The following NUP62 variants were observed in gnomAD, a reference collection of about 807,000 sequenced individuals.
NUP62 encodes the protein nucleoporin 62.
For synonymous variants in NUP62, 305 were observed against 303.4 expected (o/e 1.01, Z -0.05); for missense variants, 647 against 689.4 (o/e 0.94, Z 0.69).
chr19:49,917,399 C>T (rs986058192), intron 2 of NUP62, among the ~76,000 whole-genome samples: 7 of 152,210 alleles, frequency 4.6e-5, no homozygotes, highest in Non-Finnish European at 7.3e-5. Context: ...CTTTCCTTTG[C>T]GTCAAAGAAA....
At chr19:49,922,189 T>G (rs1377159463) in intron 2 of NUP62, among the ~76,000 whole-genome samples, 1 of 152,234 alleles carries the variant, frequency 6.6e-6, no homozygotes, top group African/African-American at 2.4e-5. Context: ...AGTCATGGGC[T>G]TGCCCCTGAC....
In NUP62 at chr19:49,909,505, G is replaced by A. The variant is rs776009657; in HGVS notation, c.303C>T (p.Asn101=). 2.5e-6 allele frequency: 4 copies of A among 1,614,158 alleles called. No individual in the cohort carries two copies. The highest frequency in any genetic ancestry group is 3.4e-6 in the Non-Finnish European group (4 of 1,180,038). Residue 101 remains asparagine (N), a synonymous_variant, in exon 3 of 3, where the codon AAC becomes AAT. Transcript: ENST00000352066. ...GIGASKLNLS[N]TAATPAMANP... ...TTGCCATGGCTGGGGTGGCAGCTGT[G>A]TTGCTCAAGTTGAGCTTTGAAGCAC...
At chr19:49,919,756 C>G (rs2075718977) in intron 2 of NUP62, among the ~76,000 whole-genome samples, 1 of 151,748 alleles carries the variant, frequency 6.6e-6, no homozygotes, top group Admixed American at 6.6e-5. Flanking sequence ...TAGGAAACAG[C>G]CAGAGAGAGA....
intron 2 of NUP62, among the ~76,000 whole-genome samples, chr19:49,918,906 G>A (rs1406725129): frequency 6.9e-6 from 1 of 145,066 alleles, no homozygotes; most frequent in Non-Finnish European, 1.5e-5. Flanking sequence ...GGGGGGGGGG[G>A]GGCGGGGTGT....
intron 2 of NUP62, among the ~76,000 whole-genome samples, chr19:49,925,074 C>G (rs1236723736): frequency 6.6e-6 from 1 of 151,986 alleles, no homozygotes; most frequent in Non-Finnish European, 1.5e-5. Context: ...CCAGCCTGAC[C>G]AACATGGAGA....
intron 2 of NUP62, among the ~76,000 whole-genome samples, chr19:49,919,923 TA>T (rs1193814051): frequency 5.9e-5 from 9 of 151,826 alleles, no homozygotes; most frequent in Admixed American, 2.6e-4. Flanking sequence ...CCTACTGCAT[TA>T]AAAAAAAATT....
In NUP62 at chr19:49,907,319, T is replaced by G; in HGVS notation, c.*920A>C. The G allele has an allele frequency of 3.2e-6, 1 of 309,032 alleles. No individual in the cohort carries two copies. The highest frequency in any genetic ancestry group is 6.3e-6 in the Non-Finnish European group (1 of 159,900). 19.1% of individuals were successfully genotyped at this position (309,032 alleles called of 1,614,324 possible). ...GAGGAGGTGAGGCCCAAGGTGGGGG[T>G]GAGCCTGGGCCAGGCAAAAGGCAGG... is the stretch of plus-strand genomic sequence containing the variant. On this transcript the variant is annotated 3_prime_UTR_variant, in exon 3 of 3. Transcript: ENST00000352066.
At chr19:49,909,930 C>A (rs1284853100) in intron 2 of NUP62, 46 bp from the exon 3 acceptor site, 1 of 1,031,232 alleles carries the variant, frequency 9.7e-7, no homozygotes, top group Admixed American at 2.0e-5. Flanking sequence ...TTTGGAAAGG[C>A]AAGCTCAGTG....
chr19:49,927,251 G>C (rs1166058356), intron 2 of NUP62, among the ~76,000 whole-genome samples: 1 of 152,154 alleles, frequency 6.6e-6, no homozygotes, highest in African/African-American at 2.4e-5. Flanking sequence ...GCTAGTAAGA[G>C]GGGTGCAGTC....
At chr19:49,914,781 C>A (rs111928045) in intron 2 of NUP62, among the ~76,000 whole-genome samples, 1 of 136,876 alleles carries the variant, frequency 7.3e-6, no homozygotes, top group Non-Finnish European at 1.5e-5. Context: ...GCTCTGCCAC[C>A]CAGGCTGGAG....
intron 2 of NUP62, among the ~76,000 whole-genome samples, chr19:49,917,240 C>T (rs542196513): frequency 7.9e-4 from 121 of 152,296 alleles, no homozygotes; most frequent in East Asian, 9.7e-4. Context: ...GCTCAGACGC[C>T]GTCCTCCAAC....
intron 2 of NUP62, among the ~76,000 whole-genome samples, chr19:49,925,838 T>C (rs2075873365): frequency 6.6e-6 from 1 of 152,204 alleles, no homozygotes; most frequent in African/African-American, 2.4e-5. Context: ...GTGAGGGGCA[T>C]ACAGAAATTC....
chr19:49,922,546 G>C (rs888507021), intron 2 of NUP62, among the ~76,000 whole-genome samples: 2 of 152,040 alleles, frequency 1.3e-5, no homozygotes, highest in Middle Eastern at 3.4e-3. Context: ...CTTGGAATGA[G>C]GGCTGGGTTC....
intron 2 of NUP62, among the ~76,000 whole-genome samples, chr19:49,914,732 T>TTTTTG (rs2075578483): frequency 1.0e-5 from 1 of 97,722 alleles, no homozygotes; most frequent in Non-Finnish European, 2.0e-5. Context: ...CCCAGTTTTT[T>TTTTTG]TTTTTTTTTT....
intron 2 of NUP62, among the ~76,000 whole-genome samples, chr19:49,919,948 G>C (rs765459291): frequency 1.6e-4 from 25 of 151,560 alleles, no homozygotes; most frequent in Non-Finnish European, 3.5e-4. Flanking sequence ...TTTTTTCTAA[G>C]ACAAGGTCTC....
intron 2 of NUP62, among the ~76,000 whole-genome samples, chr19:49,924,978 C>T (rs565498678): frequency 2.2e-4 from 34 of 152,240 alleles, no homozygotes; most frequent in African/African-American, 7.0e-4. Flanking sequence ...TTACCCACAC[C>T]GGGCCAGGCG....
At chr19:49,914,124 G>A (rs1438949109) in intron 2 of NUP62, among the ~76,000 whole-genome samples, 2 of 152,148 alleles carry the variant, frequency 1.3e-5, no homozygotes, top group African/African-American at 4.8e-5. Context: ...CAAGGCAGGA[G>A]GATTGCTTAA....
intron 2 of NUP62, among the ~76,000 whole-genome samples, chr19:49,919,436 T>C (rs759059854): frequency 1.3e-5 from 2 of 152,214 alleles, no homozygotes; most frequent in Non-Finnish European, 2.9e-5. Context: ...TAAGCAGGCT[T>C]ATTCTCCTCA....
chr19:49,929,193 C>A (rs1464169246), intron 1 of NUP62, 133 bp downstream of exon 1: 1 of 145,566 alleles, frequency 6.9e-6, no homozygotes, highest in African/African-American at 2.5e-5. Context: ...CCCCAGTCCC[C>A]GGGGCCGCCT....
Sources: gnomAD v4.1 joint callset for allele counts (sites outside exome capture counted in the v4.1 genomes callset) on GRCh38, gnomAD v4.1.1 for gene constraint, MANE v1.5 for transcripts, NCBI Gene and HGNC (gene_info 2026-07-23, HGNC 2026-07-21) for gene names.